Variants in RASGEF1A observed in about 807,000 individuals in gnomAD.
RASGEF1A encodes RasGEF domain family member 1A.
A neutral mutation model predicts 56.4 loss-of-function variants in RASGEF1A; 18 were observed. That is an observed-to-expected ratio of 0.32 (90% CI 0.22 to 0.47). The LOEUF (loss-of-function observed/expected upper bound fraction) is 0.47, where lower values mean the gene tolerates loss of function less well. RASGEF1A is among the 20% of genes least tolerant of loss of function. RASGEF1A has a pLI of 1.00. For synonymous variants in RASGEF1A, 245 were observed against 242.6 expected (o/e 1.01, Z -0.09); for missense variants, 422 against 627.1 (o/e 0.67, Z 3.49).
chr10:43,200,056 G>C, intron 6 of RASGEF1A, 126 bp downstream of exon 6: 1 of 760,842 alleles, frequency 1.3e-6, no homozygotes, highest in Non-Finnish European at 2.2e-6. Flanking sequence ...CATCCATCGG[G>C]GCTCATGGCC....
At position 43,196,228 on chromosome 10, in the gene RASGEF1A, G is replaced by A. The variant is rs752574052; in HGVS notation, c.*16C>T. ...TAGTGCACGTGCTTCCTCTGGCGTC[G>A]CGGGCTGCATCCGCCTCAGGCTCTG... is the stretch of plus-strand genomic sequence containing the variant. On this transcript the variant is annotated 3_prime_UTR_variant, in exon 13 of 13. Transcript: ENST00000395810. This position sits in a 1 kb window ranked among gnomAD's most constrained non-coding sequence, Gnocchi z 4.6. 2.4e-5 allele frequency: 38 copies of A among 1,612,180 alleles called. No homozygotes were observed. Among genetic ancestry groups the A allele is most frequent in the Admixed American group, 1.3e-4 (8 of 59,890 alleles).
intron 1 of RASGEF1A, among the ~76,000 whole-genome samples, chr10:43,260,681 G>A (rs538329121): frequency 5.3e-5 from 8 of 151,510 alleles, no homozygotes; most frequent in Admixed American, 2.0e-4. Context: ...TTCCCACTGC[G>A]GGAGCCAAGG....
chr10:43,201,759 A>T (rs763685660), intron 4 of RASGEF1A, 49 bp downstream of exon 4: 1 of 1,471,616 alleles, frequency 6.8e-7, no homozygotes, highest in Admixed American at 2.0e-5. Flanking sequence ...CCGAGGGCAG[A>T]CCCTGGCACA....
At chr10:43,250,639 G>A (rs1445282975) in intron 1 of RASGEF1A, among the ~76,000 whole-genome samples, 1 of 145,882 alleles carries the variant, frequency 6.9e-6, no homozygotes, top group African/African-American at 2.4e-5. Flanking sequence ...GTGCCGAAGG[G>A]GAAGGGGGGG....
Position 43,236,453 on chromosome 10 carries a change from G to A in RASGEF1A, c.-6-30331C>T, listed in dbSNP as rs144518324. 3.3e-3 allele frequency among the ~76,000 whole-genome samples: 507 copies of A among 152,334 alleles called. 1 individual carries two copies. Among genetic ancestry groups the A allele is most frequent in the African/African-American group, 0.01 (431 of 41,556 alleles). ...GTACATAGTTGCATGCATGCATTAC[G>A]AGTATGCAGGCCTATGCATGTGTGC... On this transcript the variant is annotated intron_variant, in intron 1 of 12. Transcript: ENST00000395810.
At chr10:43,209,297 C>A in intron 1 of RASGEF1A, 1 of 830,612 alleles carries the variant, frequency 1.2e-6, no homozygotes, top group Non-Finnish European at 1.5e-6. Context: ...TATTCCCTTA[C>A]GCAGACGAGG....
intron 1 of RASGEF1A, among the ~76,000 whole-genome samples, chr10:43,245,870 T>C (rs1840562000): frequency 6.6e-6 from 1 of 152,204 alleles, no homozygotes; most frequent in Non-Finnish European, 1.5e-5. Flanking sequence ...ATGTCTGCTC[T>C]TGCCTCTTCT....
At chr10:43,216,535 T>C (rs1840139481) in intron 1 of RASGEF1A, among the ~76,000 whole-genome samples, 1 of 152,178 alleles carries the variant, frequency 6.6e-6, no homozygotes, top group African/African-American at 2.4e-5. Context: ...CAAATGCACA[T>C]CTTTTGCTAA....
At chr10:43,199,037 A>C in intron 8 of RASGEF1A, 25 bp from the exon 9 acceptor site, 11 of 805,188 alleles carry the variant, frequency 1.4e-5, no homozygotes, top group Non-Finnish European at 2.0e-5. Context: ...AGGTAGGGTC[A>C]GGGCCGGGGG....
rs151019291 is a variant in RASGEF1A, at chr10:43,206,102, G to A, written c.15C>T (p.Ser5=). Reference sequence around the variant, plus strand: ...GCCCAAGGATGCTGGAGAAGACAACGGACGTCTGGGGCATAGTTTCCTGGG... The same window carrying A: ...GCCCAAGGATGCTGGAGAAGACAACAGACGTCTGGGGCATAGTTTCCTGGG... MPQT[S]VVFSSILGPS... is the part of the protein sequence containing the mutation. Residue 5 remains serine, a synonymous_variant, in exon 2 of 13, where the codon TCC becomes TCT. Transcript: ENST00000395810. 3.7e-4 allele frequency: 587 copies of A among 1,586,458 alleles called. 1 individual carries two copies. In the African/African-American group the frequency reaches 6.6e-3, roughly 18 times the overall value.
At chr10:43,204,598 T>C (rs1008403790) in intron 2 of RASGEF1A, among the ~76,000 whole-genome samples, 1 of 151,772 alleles carries the variant, frequency 6.6e-6, no homozygotes, top group Non-Finnish European at 1.5e-5. Context: ...AGGAGGAGCA[T>C]GGAGACCATG....
chr10:43,242,682 G>A (rs985844281), intron 1 of RASGEF1A, among the ~76,000 whole-genome samples: 6 of 152,090 alleles, frequency 3.9e-5, no homozygotes, highest in African/African-American at 9.7e-5. Flanking sequence ...CCAGGCACGC[G>A]CCGCCACTCT....
intron 1 of RASGEF1A, among the ~76,000 whole-genome samples, chr10:43,246,727 A>G (rs547813937): frequency 1.8e-4 from 27 of 152,348 alleles, no homozygotes; most frequent in African/African-American, 4.8e-4. Flanking sequence ...CAAACAAAGG[A>G]ACACATTTGG....
chr10:43,231,369 C>G (rs1840365193), intron 1 of RASGEF1A, among the ~76,000 whole-genome samples: 1 of 152,220 alleles, frequency 6.6e-6, no homozygotes, highest in East Asian at 1.9e-4. Context: ...GTACCGTAGC[C>G]CTGCAGAACA....
intron 1 of RASGEF1A, among the ~76,000 whole-genome samples, chr10:43,227,100 G>C (rs1840289007): frequency 6.6e-6 from 1 of 152,206 alleles, no homozygotes; most frequent in Non-Finnish European, 1.5e-5. Context: ...GGTTAAGGGG[G>C]AAAAGGGAGG....
intron 1 of RASGEF1A, among the ~76,000 whole-genome samples, chr10:43,221,685 G>A (rs1377117992): frequency 6.6e-6 from 1 of 152,252 alleles, no homozygotes; most frequent in Non-Finnish European, 1.5e-5. Flanking sequence ...AGCGAGGTGG[G>A]GTGGGGGAAA....
At position 43,199,778 on chromosome 10, in the gene RASGEF1A, A is replaced by G; in HGVS notation, c.757-10T>C. On this transcript the variant is annotated splice_polypyrimidine_tract_variant and intron_variant, in intron 6 of 12. Transcript: ENST00000395810. ...TCAGGTCCCCTCGGCACTGGAAAGGACACAGCAGGTCATAGGGGGCCTGGA... is the reference window on the plus strand; with the variant it reads ...TCAGGTCCCCTCGGCACTGGAAAGGGCACAGCAGGTCATAGGGGGCCTGGA... The G allele has an allele frequency of 6.2e-7, 1 of 1,611,166 alleles. No individual in the cohort carries two copies. Among genetic ancestry groups the G allele is most frequent in the Non-Finnish European group, 8.5e-7 (1 of 1,178,082 alleles).
At position 43,196,905 on chromosome 10, in the gene RASGEF1A, C is replaced by G. The variant is rs1839807044; in HGVS notation, c.1348+71G>C. On this transcript the variant is annotated intron_variant, in intron 11 of 12. Coordinates refer to ENST00000395810, the MANE Select transcript of RASGEF1A (RefSeq NM_145313.4). The surrounding 1 kb of genome is among the most constrained non-coding windows in gnomAD (Gnocchi z 4.6). Reference sequence around the variant, plus strand: ...AGCAGGCCATCTCCCAGGGCAACCCCAAAGAGCACCGGGCCTGGACAAGGA... The same window carrying G: ...AGCAGGCCATCTCCCAGGGCAACCCGAAAGAGCACCGGGCCTGGACAAGGA... The G allele has an allele frequency of 1.3e-6, 2 of 1,580,486 alleles. No individual in the cohort carries two copies. Among genetic ancestry groups the G allele is most frequent in the East Asian group, 2.2e-5 (1 of 44,692 alleles).
At chr10:43,224,714 T>C (rs545410317) in intron 1 of RASGEF1A, among the ~76,000 whole-genome samples, 5 of 152,370 alleles carry the variant, frequency 3.3e-5, no homozygotes, top group Non-Finnish European at 7.3e-5. Context: ...ACTGCTATTA[T>C]TTAATGTTAC....
Sources: allele counts gnomAD v4.1 joint callset (sites outside exome capture counted in the v4.1 genomes callset), GRCh38; gene constraint gnomAD v4.1.1; non-coding constraint Gnocchi (gnomAD v3.1); transcripts MANE v1.5; gene names NCBI Gene and HGNC (gene_info 2026-07-23, HGNC 2026-07-21).